ARHGAP15: variants seen among roughly 807,000 people sequenced by gnomAD.
ARHGAP15 encodes rho GTPase-activating protein 15.
Under a neutral mutation model 63.7 loss-of-function variants are expected in ARHGAP15, and 51 were observed. The ratio of observed to expected loss-of-function variants is 0.80; its 90% confidence interval spans 0.64 to 1.01. ARHGAP15 has a LOEUF of 1.01. Ranked by LOEUF, ARHGAP15 falls within the 50% of genes least tolerant of loss-of-function variation. The pLI is 0.00. For synonymous variants in ARHGAP15, 191 were observed against 193.8 expected, an observed-to-expected ratio of 0.99 and a Z score of 0.12; for missense variants, 560 against 564.6, an observed-to-expected ratio of 0.99 and a Z score of 0.08.
chr2:143,721,691 T>C (rs933534129), intron 13 of ARHGAP15, among the ~76,000 whole-genome samples: 4 of 143,672 alleles, frequency 2.8e-5, no homozygotes, highest in South Asian at 2.2e-4. Flanking sequence ...CTTTTTAAAC[T>C]TTTTTTTTTT....
At chr2:143,650,059 T>G (rs989855907) in intron 12 of ARHGAP15, among the ~76,000 whole-genome samples, 1 of 151,908 alleles carries the variant, frequency 6.6e-6, no homozygotes, top group African/African-American at 2.4e-5. Flanking sequence ...TTTTTTCTTC[T>G]TTTAAATTCC....
At chr2:143,297,909 G>A (rs1479728297) in intron 6 of ARHGAP15, among the ~76,000 whole-genome samples, 1 of 151,930 alleles carries the variant, frequency 6.6e-6, no homozygotes, top group Non-Finnish European at 1.5e-5. Flanking sequence ...CACATGTTTT[G>A]AACACAGTAT....
chr2:143,491,357 T>C (rs1439062602), intron 9 of ARHGAP15, among the ~76,000 whole-genome samples: 1 of 152,196 alleles, frequency 6.6e-6, no homozygotes, highest in African/African-American at 2.4e-5. Context: ...GTTTAGGTAA[T>C]ACAGTTTTTA....
chr2:143,735,632 G>A (rs551073265), intron 13 of ARHGAP15, among the ~76,000 whole-genome samples: 2 of 152,190 alleles, frequency 1.3e-5, no homozygotes, highest in South Asian at 4.1e-4. Context: ...TATGGCAGAG[G>A]ACTGCATGGC....
intron 6 of ARHGAP15, among the ~76,000 whole-genome samples, chr2:143,255,955 C>T (rs1680403971): frequency 6.6e-6 from 1 of 152,086 alleles, no homozygotes; most frequent in South Asian, 2.1e-4. Context: ...GATATTCATC[C>T]AACATTCAGG....
chr2:143,243,089 G>T (rs951583163), intron 5 of ARHGAP15, among the ~76,000 whole-genome samples: 1 of 152,104 alleles, frequency 6.6e-6, no homozygotes, highest in African/African-American at 2.4e-5. Context: ...ATGATTTGTG[G>T]CCTGCGTATA....
At chr2:143,203,419 T>C (rs1692201966) in intron 3 of ARHGAP15, among the ~76,000 whole-genome samples, 2 of 152,104 alleles carry the variant, frequency 1.3e-5, no homozygotes, top group African/African-American at 4.8e-5. Context: ...ATTGCCTCCA[T>C]GTTGTTAAAT....
chr2:143,145,324 C>G (rs1175254911), intron 1 of ARHGAP15, among the ~76,000 whole-genome samples: 2 of 152,006 alleles, frequency 1.3e-5, no homozygotes, highest in Non-Finnish European at 2.9e-5. Flanking sequence ...AGTCCCAGCA[C>G]TTCAGTGGGT....
intron 8 of ARHGAP15, among the ~76,000 whole-genome samples, chr2:143,485,083 TA>T (rs76339396): frequency 1.3e-5 from 2 of 152,038 alleles, no homozygotes; most frequent in Non-Finnish European, 2.9e-5. Flanking sequence ...TACTTTAATT[TA>T]AAAAAAAATT....
At position 143,200,553 on chromosome 2, in the gene ARHGAP15, C is replaced by T. The variant is rs576872881; in HGVS notation, c.166-1581C>T. 1.2e-3 allele frequency among the ~76,000 whole-genome samples: 179 copies of T among 152,060 alleles called. 2 individuals carry two copies. Among genetic ancestry groups the T allele is most frequent in the African/African-American group, 3.8e-3 (157 of 41,500 alleles). ...CTTACACTTATCTCTCTTTCTCTCT[C>T]TTTCTCTCTCTCTCTCATCCTCCTC... On this transcript the variant is annotated intron_variant, in intron 2 of 13. Coordinates refer to ENST00000295095, the MANE Select transcript of ARHGAP15 (RefSeq NM_018460.4).
chr2:143,763,621 AAAT>A (rs1686839892), intron 13 of ARHGAP15, among the ~76,000 whole-genome samples: 2 of 143,956 alleles, frequency 1.4e-5, no homozygotes, highest in South Asian at 2.1e-4. Context: ...GCATATATAT[AAAT>A]AATAAATTGC....
chr2:143,253,964 G>T (rs1301887351), intron 6 of ARHGAP15, among the ~76,000 whole-genome samples: 1 of 152,058 alleles, frequency 6.6e-6, no homozygotes, highest in Non-Finnish European at 1.5e-5. Context: ...TATGTTCATT[G>T]TCAAGGACTG....
chr2:143,387,182 G>A (rs1429791556), intron 6 of ARHGAP15, among the ~76,000 whole-genome samples: 1 of 151,984 alleles, frequency 6.6e-6, no homozygotes, highest in Non-Finnish European at 1.5e-5. Context: ...AATTCCTAGG[G>A]AAAAAAGATG....
chr2:143,583,813 T>C (rs996290330), intron 11 of ARHGAP15, among the ~76,000 whole-genome samples: 3 of 152,210 alleles, frequency 2.0e-5, no homozygotes, highest in African/African-American at 7.2e-5. Context: ...TTGAACCAAT[T>C]ACCAAAGAAT....
chr2:143,529,323 T>C (rs114088075), intron 10 of ARHGAP15, among the ~76,000 whole-genome samples: 1,881 of 152,256 alleles, frequency 0.012, 17 homozygotes, highest in Non-Finnish European at 0.02. Flanking sequence ...CTCTTGAATC[T>C]GGTTCTTCCT....
chr2:143,697,284 G>A (rs1683893200), intron 12 of ARHGAP15, among the ~76,000 whole-genome samples: 1 of 152,130 alleles, frequency 6.6e-6, no homozygotes, highest in African/African-American at 2.4e-5. Context: ...CTTGAACCAG[G>A]AGCAGTTATG....
chr2:143,621,380 GGTTA>G (rs148327502), intron 11 of ARHGAP15, among the ~76,000 whole-genome samples: 32,691 of 151,972 alleles, frequency 0.22, 4,244 homozygotes, highest in Non-Finnish European at 0.31. Context: ...GTAGGGTTAT[GGTTA>G]GTTCATCTTG....
intron 6 of ARHGAP15, among the ~76,000 whole-genome samples, chr2:143,299,065 C>T (rs1682775478): frequency 6.6e-6 from 1 of 151,860 alleles, no homozygotes; most frequent in Admixed American, 6.6e-5. Flanking sequence ...CTGGGTCCTT[C>T]CTTTCATTGT....
intron 6 of ARHGAP15, among the ~76,000 whole-genome samples, chr2:143,372,711 A>T (rs184236927): frequency 2.0e-5 from 3 of 152,304 alleles, no homozygotes; most frequent in African/African-American, 7.2e-5. Flanking sequence ...ACAATGTCAA[A>T]TTGTGGAATT....
Sources: gnomAD v4.1 joint callset for allele counts (sites outside exome capture counted in the v4.1 genomes callset) on GRCh38, gnomAD v4.1.1 for gene constraint, MANE v1.5 for transcripts, NCBI Gene and HGNC (gene_info 2026-07-23, HGNC 2026-07-21) for gene names.